Variants in CRPPA observed in about 807,000 individuals in gnomAD.
CRPPA encodes D-ribitol-5-phosphate cytidylyltransferase.
CRPPA carries 43 observed loss-of-function variants against 52.0 expected under a neutral mutation model. The ratio of observed to expected loss-of-function variants is 0.83; its 90% CI spans 0.65 to 1.07. CRPPA has a LOEUF of 1.07. CRPPA is among the 50% of genes least tolerant of loss of function. The pLI is 0.00. For missense variants in CRPPA, 629 were observed against 551.7 expected (o/e 1.14, Z -1.40); for synonymous variants, 250 against 203.5 (o/e 1.23, Z -1.94).
chr7:16,361,123 C>T (rs1378725861), intron 3 of CRPPA, among the ~76,000 whole-genome samples: 1 of 152,166 alleles, frequency 6.6e-6, no homozygotes, highest in Non-Finnish European at 1.5e-5. Flanking sequence ...TTCAACATCA[C>T]TAATCATTAG....
rs79958366 is a variant in CRPPA at position 16,188,843 on chromosome 7, C to G, written c.1251+27223G>C. On this transcript the variant is annotated intron_variant, in intron 9 of 9. Coordinates refer to ENST00000407010, the MANE Select transcript of CRPPA (RefSeq NM_001101426.4). ...TGGGAACTCTGTCATCATTCCAATC[C>G]AAATGTATTTTATTAATAACTGACT... Among the ~76,000 whole-genome samples, 858 of 152,218 alleles carry G rather than the reference C, an allele frequency of 5.6e-3. 11 individuals carry two copies. Among genetic ancestry groups the G allele is most frequent in the African/African-American group, 0.02 (818 of 41,538 alleles).
chr7:16,166,205 T>G (rs1781061354), intron 9 of CRPPA, among the ~76,000 whole-genome samples: 1 of 152,200 alleles, frequency 6.6e-6, no homozygotes, highest in African/African-American at 2.4e-5. Flanking sequence ...CTGATAAATA[T>G]TTATTTAAAT....
intron 9 of CRPPA, among the ~76,000 whole-genome samples, chr7:16,099,863 C>T (rs1782008090): frequency 6.6e-6 from 1 of 152,130 alleles, no homozygotes; most frequent in Admixed American, 6.6e-5. Context: ...ATGTTTTGAT[C>T]CTACACAACT....
intron 8 of CRPPA, chr7:16,216,500 G>A (rs890253737): frequency 1.6e-4 from 40 of 258,002 alleles, no homozygotes; most frequent in South Asian, 5.1e-4. Context: ...CGCAGAAGAC[G>A]GGTGATTTCT....
intron 9 of CRPPA, among the ~76,000 whole-genome samples, chr7:16,161,432 T>C (rs1373357279): frequency 6.6e-6 from 1 of 152,234 alleles, no homozygotes; most frequent in African/African-American, 2.4e-5. Flanking sequence ...TCTGCATCTA[T>C]TGACATAATC....
intron 2 of CRPPA, among the ~76,000 whole-genome samples, chr7:16,381,990 C>T (rs533509335): frequency 6.6e-6 from 1 of 152,092 alleles, no homozygotes; most frequent in South Asian, 2.1e-4. Flanking sequence ...AGTCCATTTA[C>T]ATTTAAAGTT....
intron 8 of CRPPA, among the ~76,000 whole-genome samples, chr7:16,246,212 A>G (rs1233460414): frequency 1.3e-5 from 2 of 152,224 alleles, no homozygotes; most frequent in African/African-American, 2.4e-5. Context: ...CGTTCACAGT[A>G]TCTTCACCCG....
chr7:16,399,022 G>C (rs562758732), intron 2 of CRPPA, among the ~76,000 whole-genome samples: 1 of 152,234 alleles, frequency 6.6e-6, no homozygotes. Flanking sequence ...ATTGACATGT[G>C]ACCAACACGT....
chr7:16,376,721 G>C (rs191542604), intron 2 of CRPPA, among the ~76,000 whole-genome samples: 155 of 152,312 alleles, frequency 1.0e-3, no homozygotes, highest in African/African-American at 3.6e-3. Context: ...GCTCTAATTT[G>C]TGTCTTGCTC....
intron 9 of CRPPA, among the ~76,000 whole-genome samples, chr7:16,178,029 T>C (rs1781337921): frequency 6.7e-6 from 1 of 149,646 alleles, no homozygotes; most frequent in African/African-American, 2.5e-5. Context: ...GAGAGATTAA[T>C]GAAGATTTCT....
chr7:16,397,997 A>T (rs7807975), intron 2 of CRPPA, among the ~76,000 whole-genome samples: 2 of 152,184 alleles, frequency 1.3e-5, no homozygotes, highest in Non-Finnish European at 2.9e-5. Context: ...CCTAACCAAC[A>T]TGTGACTGAT....
At chr7:16,255,423 C>T (rs752237632) in intron 8 of CRPPA, among the ~76,000 whole-genome samples, 1 of 152,068 alleles carries the variant, frequency 6.6e-6, no homozygotes, top group African/African-American at 2.4e-5. Context: ...ACTTTCTTCA[C>T]AGAATTGGAA....
At chr7:16,198,350 C>G (rs1426777819) in intron 9 of CRPPA, among the ~76,000 whole-genome samples, 1 of 55,626 alleles carries the variant, frequency 1.8e-5, no homozygotes, top group East Asian at 6.9e-4. Flanking sequence ...TTGTAAAGCA[C>G]TGAGATGTTT....
intron 6 of CRPPA, among the ~76,000 whole-genome samples, chr7:16,260,317 G>T (rs1031372832): frequency 6.6e-6 from 1 of 151,906 alleles, no homozygotes; most frequent in African/African-American, 2.4e-5. Context: ...TCTCTCTCTG[G>T]ATTAGGCTTA....
At position 16,315,688 on chromosome 7, in the gene CRPPA, A is replaced by T. The variant is rs79590652; in HGVS notation, c.685-7061T>A. Among the ~76,000 whole-genome samples, 790 of 152,136 alleles carry T rather than the reference A, an allele frequency of 5.2e-3. 6 individuals carry two copies. The highest frequency in any genetic ancestry group is 0.017 in the African/African-American group (724 of 41,524). On this transcript the variant is annotated intron_variant, in intron 3 of 9. Coordinates refer to ENST00000407010, the MANE Select transcript of CRPPA (RefSeq NM_001101426.4). ...TTTTTCTCCAGTACCCATTTTAAGA[A>T]CCTGGTCAAGCTCCTGGAAGTAAAA...
At chr7:16,216,400 G>C (rs112347750) in intron 8 of CRPPA, 9 of 379,980 alleles carry the variant, frequency 2.4e-5, no homozygotes, top group Admixed American at 4.5e-5. Flanking sequence ...TAAACACTCA[G>C]AGAAAACGAG....
chr7:16,097,170 CT>C (rs1397472334), intron 9 of CRPPA, among the ~76,000 whole-genome samples: 3 of 151,946 alleles, frequency 2.0e-5, no homozygotes, highest in African/African-American at 7.3e-5. Flanking sequence ...TAAAAGGCCC[CT>C]AAAGGAATCA....
chr7:16,361,523 C>T (rs1259947487), intron 3 of CRPPA, among the ~76,000 whole-genome samples: 1 of 152,148 alleles, frequency 6.6e-6, no homozygotes, highest in Non-Finnish European at 1.5e-5. Context: ...TGGAATGTTA[C>T]TCAGCCAGCC....
At chr7:16,101,088 A>G (rs1308102717) in intron 9 of CRPPA, among the ~76,000 whole-genome samples, 3 of 152,174 alleles carry the variant, frequency 2.0e-5, no homozygotes, top group Non-Finnish European at 4.4e-5. Context: ...ATCGATGTTC[A>G]TCAGGGATAT....
Sources: gnomAD v4.1 joint callset for allele counts (sites outside exome capture counted in the v4.1 genomes callset) on GRCh38, gnomAD v4.1.1 for gene constraint, MANE v1.5 for transcripts, NCBI Gene and HGNC (gene_info 2026-07-23, HGNC 2026-07-21) for gene names.